Variants in QKI observed in about 807,000 individuals in gnomAD.
QKI encodes QKI, KH domain containing RNA binding.
Under a neutral mutation model 39.0 loss-of-function variants are expected in QKI, and 10 were observed. The ratio of observed to expected loss-of-function variants is 0.26; its 90% CI spans 0.16 to 0.43. The LOEUF is 0.43. QKI is among the 20% of genes least tolerant of loss of function. QKI has a pLI of 1.00. For missense variants in QKI, 218 were observed against 428.0 expected, an observed-to-expected ratio of 0.51 and a Z score of 4.33; for synonymous variants, 204 against 155.4, an observed-to-expected ratio of 1.31 and a Z score of -2.33.
chr6:163,517,058 ACTCTCTCT>A (rs376115203), intron 3 of QKI, among the ~76,000 whole-genome samples: 1 of 142,188 alleles, frequency 7.0e-6, no homozygotes, highest in Non-Finnish European at 1.6e-5. Flanking sequence ...ACACACACTC[ACTCTCTCT>A]CTCTCTCTCT....
chr6:163,437,915 C>T (rs1395150641), intron 1 of QKI, among the ~76,000 whole-genome samples: 1 of 152,120 alleles, frequency 6.6e-6, no homozygotes, highest in African/African-American at 2.4e-5. Flanking sequence ...AGAAAAAGCT[C>T]TGACCTTTTA....
chr6:163,491,981 G>A (rs1778084201), intron 3 of QKI, among the ~76,000 whole-genome samples: 1 of 152,164 alleles, frequency 6.6e-6, no homozygotes, highest in East Asian at 1.9e-4. Context: ...CTCTTAATGA[G>A]CCTTTTAAAA....
chr6:163,491,361 G>A (rs953646393), intron 3 of QKI, among the ~76,000 whole-genome samples: 5 of 152,188 alleles, frequency 3.3e-5, no homozygotes, highest in South Asian at 2.1e-4. Context: ...CTGCACTTCC[G>A]GCCGCACTGG....
intron 4 of QKI, among the ~76,000 whole-genome samples, chr6:163,556,503 CAA>C (rs61233361): frequency 0.045 from 3,761 of 83,056 alleles, 152 homozygotes; most frequent in African/African-American, 0.13. Context: ...AATTCCACCT[CAA>C]AAAAAAAAAA....
intron 1 of QKI, chr6:163,415,846 C>T (rs549620039): frequency 1.8e-5 from 9 of 488,664 alleles, no homozygotes; most frequent in East Asian, 1.8e-4. Flanking sequence ...AGGACTAAAG[C>T]GGGGTTTCGT....
intron 1 of QKI, among the ~76,000 whole-genome samples, chr6:163,429,825 A>G (rs868291205): frequency 2.0e-5 from 3 of 152,188 alleles, no homozygotes; most frequent in South Asian, 2.1e-4. Flanking sequence ...GTTGTATGCT[A>G]TTAATATGTG....
At chr6:163,566,238 G>T (rs1477864256) in intron 6 of QKI, 5 of 1,271,898 alleles carry the variant, frequency 3.9e-6, no homozygotes, top group Non-Finnish European at 5.0e-6. Context: ...CTAATTCATT[G>T]CAGTTCATAC....
At chr6:163,522,040 T>C (rs1393510262) in intron 3 of QKI, among the ~76,000 whole-genome samples, 1 of 152,212 alleles carries the variant, frequency 6.6e-6, no homozygotes, top group African/African-American at 2.4e-5. Context: ...AGATAGGAGT[T>C]ACATAGTAAA....
chr6:163,462,680 TG>T (rs975228399), intron 2 of QKI, among the ~76,000 whole-genome samples: 6 of 152,166 alleles, frequency 3.9e-5, no homozygotes, highest in African/African-American at 9.7e-5. Flanking sequence ...AGCAAAATTT[TG>T]GTATCATTTC....
intron 3 of QKI, among the ~76,000 whole-genome samples, chr6:163,510,217 A>AAATAATAATAATAAT (rs142297811): frequency 9.9e-4 from 135 of 136,258 alleles, no homozygotes; most frequent in Middle Eastern, 7.6e-3. Context: ...CTCTATCTCA[A>AAATAATAATAATAAT]AATAATAATA....
chr6:163,535,933 AAAAAG>A (rs919369212), intron 4 of QKI, among the ~76,000 whole-genome samples: 7 of 152,152 alleles, frequency 4.6e-5, no homozygotes, highest in Admixed American at 2.0e-4. Context: ...CCCTGTCTCA[AAAAAG>A]AAAAGAAAAA....
In QKI at chr6:163,577,424, A is replaced by G. The variant is rs73784485; in HGVS notation, c.*6714A>G. On this transcript the variant is annotated 3_prime_UTR_variant, in exon 8 of 8. Coordinates refer to ENST00000361752, the MANE Select transcript of QKI (RefSeq NM_006775.3). ...AAAAAAAAAAAGTCTGATTGCCCAT[A>G]TTAGATTTTTTTTTTAATTCTTCAC... 253 of 152,118 alleles carry G rather than the reference A, an allele frequency of 1.7e-3. 3 individuals are homozygous for G. The highest frequency in any genetic ancestry group is 5.6e-3 in the African/African-American group (232 of 41,480). 9.4% of individuals were successfully genotyped at this position (152,118 alleles called of 1,614,324 possible). A position where few individuals can be genotyped will look rare whatever the true frequency, so the allele number is the denominator to read the frequency against.
chr6:163,473,671 TAGAAAGTC>T (rs1433845639), intron 2 of QKI, among the ~76,000 whole-genome samples: 1 of 152,208 alleles, frequency 6.6e-6, no homozygotes, highest in African/African-American at 2.4e-5. Flanking sequence ...TACGAAGGAA[TAGAAAGTC>T]TGAATCCATA....
At chr6:163,566,882 A>G in intron 7 of QKI, 87 bp downstream of exon 7, 2 of 1,545,142 alleles carry the variant, frequency 1.3e-6, no homozygotes, top group South Asian at 2.4e-5. Flanking sequence ...GAAAAATGTA[A>G]TTGCTTACCT....
At chr6:163,458,646 A>G (rs1021490773) in intron 2 of QKI, among the ~76,000 whole-genome samples, 1 of 152,174 alleles carries the variant, frequency 6.6e-6, no homozygotes, top group African/African-American at 2.4e-5. Context: ...ATATGAGAAG[A>G]AAGTCTCAGA....
rs767535604 is a variant in QKI, at chr6:163,566,711, AT to A, written c.935-7del. On this transcript the variant is annotated splice_polypyrimidine_tract_variant and intron_variant, in intron 6 of 7. Coordinates refer to ENST00000361752, the MANE Select transcript of QKI (RefSeq NM_006775.3). ...TTCTAACTTTGTCTTGGTAATTGCA[AT>A]TTAACTAGGTGCGGTGGCTACTAAA... The A allele has an allele frequency of 1.9e-6, 3 of 1,613,230 alleles. No individual in the cohort carries two copies.
intron 1 of QKI, among the ~76,000 whole-genome samples, chr6:163,431,493 CATCTACATTTTT>C (rs150676238): frequency 0.36 from 54,212 of 151,818 alleles, 11,333 homozygotes; most frequent in East Asian, 0.69. Context: ...GCCTGGTTTA[CATCTACATTTTT>C]TAAATTTGGG....
intron 1 of QKI, among the ~76,000 whole-genome samples, chr6:163,443,743 A>T (rs1789930659): frequency 6.6e-6 from 1 of 152,260 alleles, no homozygotes; most frequent in South Asian, 2.1e-4. Context: ...CCTATGCTAC[A>T]TGATTATAAA....
chr6:163,552,766 A>G (rs941987833), intron 4 of QKI, among the ~76,000 whole-genome samples: 3 of 152,196 alleles, frequency 2.0e-5, no homozygotes, highest in Non-Finnish European at 4.4e-5. Context: ...TTGGTCTTCC[A>G]CCGCAGCCTG....
Sources: allele counts gnomAD v4.1 joint callset (sites outside exome capture counted in the v4.1 genomes callset), GRCh38; gene constraint gnomAD v4.1.1; transcripts MANE v1.5; gene names NCBI Gene and HGNC (gene_info 2026-07-23, HGNC 2026-07-21).